FAM114A2: variants seen among roughly 807,000 people sequenced by gnomAD.
The protein encoded by FAM114A2 is protein FAM114A2.
In FAM114A2, 53 loss-of-function variants were observed where a neutral mutation model predicts 58.4. That is an observed-to-expected ratio of 0.91 (90% CI 0.73 to 1.14). The LOEUF is 1.14. Among genes scored for constraint, FAM114A2 ranks in the 50% most tolerant of loss-of-function variants. The pLI is 0.00. For synonymous variants in FAM114A2, 228 were observed against 211.4 expected, an observed-to-expected ratio of 1.08 and a Z score of -0.68; for missense variants, 601 against 581.1, an observed-to-expected ratio of 1.03 and a Z score of -0.35.
At chr5:154,022,113 C>G (rs1299580971) in intron 8 of FAM114A2, among the ~76,000 whole-genome samples, 7 of 152,282 alleles carry the variant, frequency 4.6e-5, no homozygotes, top group African/African-American at 1.7e-4. Context: ...GAAACTGGAT[C>G]CCTTCCTTAC....
intron 11 of FAM114A2, among the ~76,000 whole-genome samples, chr5:153,999,610 G>C (rs1224509640): frequency 6.7e-6 from 1 of 149,846 alleles, no homozygotes; most frequent in Non-Finnish European, 1.5e-5. Flanking sequence ...TCCAGCCTGA[G>C]TGACACAGCA....
chr5:154,010,636 G>A (rs116457427), intron 9 of FAM114A2, among the ~76,000 whole-genome samples: 1,565 of 152,286 alleles, frequency 0.01, 39 homozygotes, highest in African/African-American at 0.035. Context: ...CCAGTGAACA[G>A]TGTCCCAAGA....
rs928503342 is a variant in FAM114A2, at chr5:154,025,469, A to G, written c.913+930T>C. Among the ~76,000 whole-genome samples, 6 of 152,202 alleles carry G rather than the reference A, an allele frequency of 3.9e-5. No individual in the cohort carries two copies. In the East Asian group the frequency reaches 1.2e-3, roughly 29 times the overall value. On this transcript the variant is annotated intron_variant, in intron 8 of 13. Coordinates refer to ENST00000351797, the MANE Select transcript of FAM114A2 (RefSeq NM_018691.4). Reference sequence around the variant, plus strand: ...TAATTTTTAAAAAATTCCTAAGTAGACAACATCTTAGTATTATGATGCAGA... The same window carrying G: ...TAATTTTTAAAAAATTCCTAAGTAGGCAACATCTTAGTATTATGATGCAGA...
Position 153,992,964 on chromosome 5 carries a change from C to A in FAM114A2, c.*12G>T. On this transcript the variant is annotated 3_prime_UTR_variant, in exon 14 of 14. Transcript: ENST00000351797. ...GGCCGTCACAAGTCCCAGGTCAAAA[C>A]GTCTCCATTCTTCAATGTTCTAACA... 2 of 1,607,830 alleles carry A rather than the reference C, an allele frequency of 1.2e-6. No individual in the cohort carries two copies. The highest frequency in any genetic ancestry group is 1.7e-6 in the Non-Finnish European group (2 of 1,176,390).
chr5:154,019,848 G>C (rs1771286395), intron 8 of FAM114A2, among the ~76,000 whole-genome samples: 1 of 151,986 alleles, frequency 6.6e-6, no homozygotes, highest in South Asian at 2.1e-4. Context: ...AATGAAACTG[G>C]ATCTTCTCAG....
chr5:154,007,718 G>T (rs551879509), intron 9 of FAM114A2, among the ~76,000 whole-genome samples: 23 of 152,134 alleles, frequency 1.5e-4, no homozygotes, highest in Non-Finnish European at 4.4e-5. Context: ...CATAATAAAG[G>T]TTTATTGAAC....
chr5:154,001,251 T>C (rs970227294), intron 11 of FAM114A2, among the ~76,000 whole-genome samples: 11 of 152,160 alleles, frequency 7.2e-5, no homozygotes, highest in Admixed American at 1.3e-4. Context: ...TGATATAAGC[T>C]AAGACAATAA....
chr5:154,020,046 A>G (rs1771301490), intron 8 of FAM114A2, among the ~76,000 whole-genome samples: 1 of 152,224 alleles, frequency 6.6e-6, no homozygotes, highest in Non-Finnish European at 1.5e-5. Context: ...CTGAATGACC[A>G]CTGGGTACCT....
intron 8 of FAM114A2, among the ~76,000 whole-genome samples, chr5:154,026,065 T>C (rs889339900): frequency 3.3e-5 from 5 of 152,292 alleles, no homozygotes; most frequent in African/African-American, 1.2e-4. Flanking sequence ...CTCATATGAA[T>C]GACCAGTCAA....
intron 11 of FAM114A2, among the ~76,000 whole-genome samples, chr5:154,000,146 T>C (rs2113213650): frequency 6.6e-6 from 1 of 152,148 alleles, no homozygotes; most frequent in East Asian, 1.9e-4. Context: ...TAAAAAAACA[T>C]GATCTTACGG....
At chr5:153,993,919 T>C (rs552070633) in intron 13 of FAM114A2, among the ~76,000 whole-genome samples, 2 of 152,330 alleles carry the variant, frequency 1.3e-5, no homozygotes, top group Non-Finnish European at 2.9e-5. Context: ...AAAAGGGACC[T>C]CAGATATCGT....
intron 9 of FAM114A2, among the ~76,000 whole-genome samples, chr5:154,004,379 C>A (rs1049418227): frequency 6.6e-6 from 1 of 152,130 alleles, no homozygotes; most frequent in Middle Eastern, 3.2e-3. Context: ...TCGTCTCATC[C>A]TATTCCCTCT....
At chr5:154,019,580 G>C (rs1259432022) in intron 8 of FAM114A2, among the ~76,000 whole-genome samples, 1 of 151,980 alleles carries the variant, frequency 6.6e-6, no homozygotes, top group East Asian at 1.9e-4. Flanking sequence ...GCCAAAGCAA[G>C]ACTAAGCAAA....
At chr5:154,038,155 A>G (rs916807053) in intron 1 of FAM114A2, 2 of 152,066 alleles carry the variant, frequency 1.3e-5, no homozygotes, top group African/African-American at 4.8e-5. Context: ...TCCTCCAGTT[A>G]TTTTCTCAGT....
chr5:154,025,556 T>C (rs1269865457), intron 8 of FAM114A2, among the ~76,000 whole-genome samples: 2 of 152,210 alleles, frequency 1.3e-5, no homozygotes, highest in African/African-American at 4.8e-5. Flanking sequence ...GACCACACTT[T>C]GTTCATCACT....
At position 154,022,722 on chromosome 5, in the gene FAM114A2, G is replaced by C. The variant is rs368761489; in HGVS notation, c.913+3677C>G. Among the ~76,000 whole-genome samples the C allele has an allele frequency of 2.8e-4, 43 of 152,344 alleles. 1 individual carries two copies. The East Asian group carries it at 5.6e-3, about 20-fold the overall frequency. ...ACTAGTTCAACCATTGTGGAAGACA[G>C]TGTGGTGATTCCTCAAGGATCTAGA... On this transcript the variant is annotated intron_variant, in intron 8 of 13. Coordinates refer to ENST00000351797, the MANE Select transcript of FAM114A2 (RefSeq NM_018691.4).
At position 154,018,126 on chromosome 5, in the gene FAM114A2, G is replaced by A. The variant is rs555564493; in HGVS notation, c.914-6806C>T. 1.3e-5 allele frequency among the ~76,000 whole-genome samples: 2 copies of A among 152,242 alleles called. 1 individual carries two copies. The highest frequency in any genetic ancestry group is 4.8e-5 in the African/African-American group (2 of 41,554). ...ATACAAAAGACAACTGAAACAAAAA[G>A]TTGATTCTTTGAAAAGATAAATAGA... On this transcript the variant is annotated intron_variant, in intron 8 of 13. Transcript: ENST00000351797.
intron 8 of FAM114A2, among the ~76,000 whole-genome samples, chr5:154,019,742 A>C (rs1400239370): frequency 6.6e-6 from 1 of 152,188 alleles, no homozygotes; most frequent in Non-Finnish European, 1.5e-5. Context: ...ACTTAAGGCC[A>C]ACTGATCTTT....
intron 1 of FAM114A2, among the ~76,000 whole-genome samples, chr5:154,036,056 AG>A (rs2113523658): frequency 2.0e-5 from 3 of 152,028 alleles, no homozygotes; most frequent in African/African-American, 7.2e-5. Flanking sequence ...TTGAGTTTTG[AG>A]AGCTCTTCAT....
Sources: allele counts gnomAD v4.1 joint callset (sites outside exome capture counted in the v4.1 genomes callset), GRCh38; gene constraint gnomAD v4.1.1; transcripts MANE v1.5; gene names NCBI Gene and HGNC (gene_info 2026-07-23, HGNC 2026-07-21).